C19orf44: variants seen among roughly 807,000 people sequenced by gnomAD.
The protein encoded by C19orf44 is uncharacterized protein C19orf44.
C19orf44 carries 43 observed loss-of-function variants against 50.7 expected under a neutral mutation model. The ratio of observed to expected loss-of-function variants is 0.85; its 90% CI spans 0.66 to 1.09. C19orf44 has a LOEUF of 1.09. Ranked by LOEUF, C19orf44 falls within the 50% of genes least tolerant of loss-of-function variation. The probability of loss-of-function intolerance (pLI) is 0.00; values close to 1 mark genes in which losing one functional copy is unlikely to be tolerated. For missense variants in C19orf44, 722 were observed against 836.2 expected, an observed-to-expected ratio of 0.86 and a Z score of 1.68; for synonymous variants, 298 against 334.7, an observed-to-expected ratio of 0.89 and a Z score of 1.20.
chr19:16,502,597 GA>G (rs2093428703), intron 2 of C19orf44, among the ~76,000 whole-genome samples: 2 of 152,220 alleles, frequency 1.3e-5, no homozygotes, highest in South Asian at 4.1e-4. Flanking sequence ...GTGACTTTCA[GA>G]AATGAAGAGA....
At chr19:16,503,673 G>A (rs563257452) in intron 3 of C19orf44, among the ~76,000 whole-genome samples, 78 of 152,178 alleles carry the variant, frequency 5.1e-4, no homozygotes, top group Non-Finnish European at 9.9e-4. Context: ...CAAGCAATCC[G>A]CCTGCCTCAG....
At position 16,506,791 on chromosome 19, in the gene C19orf44, C is replaced by G. The variant is rs1232898873; in HGVS notation, c.1149+17C>G. On this transcript the variant is annotated intron_variant, in intron 4 of 8. Coordinates refer to ENST00000221671, the MANE Select transcript of C19orf44 (RefSeq NM_032207.4). ...GAACAGGAAGTAAGTACAACAAAGT[C>G]ATTTTTCATGGTCGATTGTTTTTGG... The G allele has an allele frequency of 6.4e-7, 1 of 1,551,152 alleles. No homozygotes were observed. The highest frequency in any genetic ancestry group is 8.8e-7 in the Non-Finnish European group (1 of 1,141,018).
intron 8 of C19orf44, chr19:16,518,831 C>G: frequency 3.0e-6 from 1 of 337,028 alleles, no homozygotes; most frequent in Non-Finnish European, 5.5e-6. Context: ...TGACTTAGGG[C>G]AGATGCACAT....
At chr19:16,510,220 A>G in intron 5 of C19orf44, 1 of 521,604 alleles carries the variant, frequency 1.9e-6, no homozygotes, top group Non-Finnish European at 3.4e-6. Flanking sequence ...CAGTCTGGCC[A>G]ACACAGGGAA....
chr19:16,506,790 T>C lies in C19orf44; in HGVS notation c.1149+16T>C. The C allele has an allele frequency of 6.4e-7, 1 of 1,554,674 alleles. No individual in the cohort carries two copies. Among genetic ancestry groups the C allele is most frequent in the Non-Finnish European group, 8.7e-7 (1 of 1,143,702 alleles). ...GGAACAGGAAGTAAGTACAACAAAG[T>C]CATTTTTCATGGTCGATTGTTTTTG... On this transcript the variant is annotated intron_variant, in intron 4 of 8. Coordinates refer to ENST00000221671, the MANE Select transcript of C19orf44 (RefSeq NM_032207.4).
At chr19:16,505,767 C>T (rs1024516844) in intron 3 of C19orf44, among the ~76,000 whole-genome samples, 2 of 151,886 alleles carry the variant, frequency 1.3e-5, no homozygotes, top group Non-Finnish European at 2.9e-5. Context: ...ACTGCAACCT[C>T]CAACTCCGGG....
chr19:16,499,489 G>GTGTGTCAGGC (rs1453561851), intron 1 of C19orf44: 2 of 151,368 alleles, frequency 1.3e-5, no homozygotes, highest in Non-Finnish European at 2.9e-5. Flanking sequence ...GGGTTTCACC[G>GTGTGTCAGGC]TGGTCTCGAT....
At chr19:16,503,558 ATCTT>A (rs768043243) in intron 3 of C19orf44, among the ~76,000 whole-genome samples, 178 bp downstream of exon 3, 1 of 152,128 alleles carries the variant, frequency 6.6e-6, no homozygotes, top group Middle Eastern at 3.4e-3. Flanking sequence ...TTTTTGTGCT[ATCTT>A]TATTTATTTA....
intron 8 of C19orf44, chr19:16,518,096 T>C (rs1454495171): frequency 6.6e-6 from 1 of 152,112 alleles, no homozygotes; most frequent in Admixed American, 6.6e-5. Context: ...TTCAAAAATG[T>C]TTCTGTACAA....
chr19:16,497,793 G>T (rs1322610230), intron 1 of C19orf44, among the ~76,000 whole-genome samples: 1 of 152,122 alleles, frequency 6.6e-6, no homozygotes, highest in Non-Finnish European at 1.5e-5. Flanking sequence ...TAGTTACATT[G>T]TTTTCCGTTT....
chr19:16,505,197 C>T (rs2093437361), intron 3 of C19orf44, among the ~76,000 whole-genome samples: 1 of 151,152 alleles, frequency 6.6e-6, no homozygotes, highest in Admixed American at 6.6e-5. Flanking sequence ...GCATGAGCCA[C>T]TGTGCCCGGC....
chr19:16,520,232 G>C lies in C19orf44; in HGVS notation c.*179G>C. 6.2e-7 allele frequency: 1 copy of C among 1,613,480 alleles called. No individual in the cohort carries two copies. Among genetic ancestry groups the C allele is most frequent in the Non-Finnish European group, 8.5e-7 (1 of 1,180,024 alleles). ...ACCGGGACCGCGACTGGGACCGGGA[G>C]CGGCTTCTGGAGGAGCGCGACCTGC... On this transcript the variant is annotated 3_prime_UTR_variant, in exon 9 of 9. Transcript: ENST00000221671. This position sits in a 1 kb window ranked among gnomAD's most constrained non-coding sequence, Gnocchi z 4.0.
At chr19:16,503,894 C>T (rs1313224709) in intron 3 of C19orf44, among the ~76,000 whole-genome samples, 2 of 152,152 alleles carry the variant, frequency 1.3e-5, no homozygotes, top group Non-Finnish European at 2.9e-5. Flanking sequence ...TCAATTTAAA[C>T]CTGTTGGAAG....
rs115918742 is a variant in C19orf44, at chr19:16,498,625, G to T, written c.-2+2160G>T. On this transcript the variant is annotated intron_variant, in intron 1 of 8. Coordinates refer to ENST00000221671, the MANE Select transcript of C19orf44 (RefSeq NM_032207.4). ...ACTGACACTTGTTACGTGTATTTTT[G>T]ATTATAGCCATGCTAGGGGATGTGA... Among the ~76,000 whole-genome samples, 1,142 of 151,562 alleles carry T rather than the reference G, an allele frequency of 7.5e-3. 14 individuals carry two copies. The highest frequency in any genetic ancestry group is 0.026 in the African/African-American group (1,073 of 41,324).
chr19:16,519,834 T>C lies in C19orf44; in HGVS notation c.*41-260T>C. 3 of 908,946 alleles carry C rather than the reference T, an allele frequency of 3.3e-6. No individual in the cohort carries two copies. In the South Asian group the frequency reaches 4.1e-5, roughly 13 times the overall value. 56.3% of individuals were successfully genotyped at this position (908,946 alleles called of 1,614,324 possible). On this transcript the variant is annotated intron_variant, in intron 8 of 8. Coordinates refer to ENST00000221671, the MANE Select transcript of C19orf44 (RefSeq NM_032207.4). The surrounding 1 kb of genome is among the most constrained non-coding windows in gnomAD (Gnocchi z 6.0). Reference sequence around the variant, plus strand: ...TGCTCACTGTCACCAGGTGACACCGTATGCAGATTTTGCGTCTCTACCCGT... The same window carrying C: ...TGCTCACTGTCACCAGGTGACACCGCATGCAGATTTTGCGTCTCTACCCGT...
intron 6 of C19orf44, 34 bp downstream of exon 6, chr19:16,513,143 C>T (rs2093462623): frequency 6.3e-7 from 1 of 1,592,384 alleles, no homozygotes; most frequent in South Asian, 1.1e-5. Flanking sequence ...CTTCCTGTCA[C>T]ATTTTACAGG....
chr19:16,508,827 GT>G (rs950541979), intron 4 of C19orf44, among the ~76,000 whole-genome samples: 2 of 146,476 alleles, frequency 1.4e-5, no homozygotes, highest in African/African-American at 5.0e-5. Flanking sequence ...ATGATGAAAT[GT>G]TTTTTTTTTG....
rs73928612 is a variant in C19orf44, at chr19:16,520,602, G to A, written c.*549G>A. 8,059 of 1,423,044 alleles carry A rather than the reference G, an allele frequency of 5.7e-3. 401 individuals are homozygous for A. In the African/African-American group the frequency reaches 0.1, roughly 18 times the overall value. 88.2% of individuals were successfully genotyped at this position (1,423,044 alleles called of 1,614,324 possible). ...GTTCCTAGACCACCCCAGATGCAGG[G>A]GCTCTGGCTGTGGATGTGGCGCCAT... On this transcript the variant is annotated 3_prime_UTR_variant, in exon 9 of 9. Transcript: ENST00000221671. The surrounding 1 kb of genome is among the most constrained non-coding windows in gnomAD (Gnocchi z 4.0).
intron 8 of C19orf44, chr19:16,518,462 C>T (rs906153081): frequency 6.6e-6 from 1 of 152,134 alleles, no homozygotes; most frequent in Non-Finnish European, 1.5e-5. Flanking sequence ...AAAAAAATAT[C>T]AACTTATACA....
Sources: gnomAD v4.1 joint callset for allele counts (sites outside exome capture counted in the v4.1 genomes callset) on GRCh38, gnomAD v4.1.1 for gene constraint, Gnocchi (gnomAD v3.1) non-coding constraint, MANE v1.5 for transcripts, NCBI Gene and HGNC (gene_info 2026-07-23, HGNC 2026-07-21) for gene names.